PSMD13: variants seen among roughly 807,000 people sequenced by gnomAD.
The protein encoded by PSMD13 is proteasome 26S subunit, non-ATPase 13.
Under a neutral mutation model 57.4 loss-of-function variants are expected in PSMD13, and 8 were observed. That is an observed-to-expected ratio of 0.14 (90% CI 0.08 to 0.25). The LOEUF is 0.25. PSMD13 is among the 10% of genes least tolerant of loss of function. The pLI, the probability that PSMD13 is intolerant of heterozygous loss-of-function variation, is 1.00. For missense variants in PSMD13, 400 were observed against 461.5 expected (o/e 0.87, Z 1.22); for synonymous variants, 193 against 168.2 (o/e 1.15, Z -1.14).
chr11:238,869 ATTTTGGAG>A lies in PSMD13; in HGVS notation c.96-113_96-106del, dbSNP rs774647067. ...AGTTTTGGATTTTGGAGCATTTTGA[ATTTTGGAG>A]TTTTGGAGTTTTGGATTAGAGATAC... On this transcript the variant is annotated intron_variant, in intron 1 of 12. Coordinates refer to ENST00000532097, the MANE Select transcript of PSMD13 (RefSeq NM_002817.4). The A allele has an allele frequency of 7.2e-4, 650 of 906,970 alleles. 2 individuals are homozygous for A. Among genetic ancestry groups the A allele is most frequent in the Non-Finnish European group, 9.2e-4 (507 of 553,532 alleles). The allele number at this position is 906,970 out of a possible 1,614,324, so 56.2% of individuals were successfully genotyped here.
Position 252,057 on chromosome 11 carries a change from G to T in PSMD13, c.1035+121G>T. 1.1e-6 allele frequency: 1 copy of T among 950,530 alleles called. No individual in the cohort carries two copies. 58.9% of individuals were successfully genotyped at this position (950,530 alleles called of 1,614,324 possible). A position where few individuals can be genotyped will look rare whatever the true frequency, so the allele number is the denominator to read the frequency against. On this transcript the variant is annotated intron_variant, in intron 12 of 12. Transcript: ENST00000532097. This position sits in a 1 kb window ranked among gnomAD's most constrained non-coding sequence, Gnocchi z 4.1. Reference sequence around the variant, plus strand: ...ACAGCATTATTAGACAAGAGGTTTTGGAGAAGGAAATACTGCTGTTGGGTT... The same window carrying T: ...ACAGCATTATTAGACAAGAGGTTTTTGAGAAGGAAATACTGCTGTTGGGTT...
In PSMD13 at chr11:250,820, T is replaced by G. The variant is rs372280734; in HGVS notation, c.792T>G (p.Asn264Lys). ...CTTTACAGCCTGATTTAGCAGCTAA[T>G]GAAGCCCAGCTTCTGAGGAAAATTC... ...AWGQQPDLAA[N>K]EAQLLRKIQL... The change falls in exon 10 of 13, where the codon AAT becomes AAG. Residue 264 changes from asparagine (N) to lysine (K), a missense_variant. Asn to Lys is a moderately conservative substitution (Grantham distance 94). Coordinates refer to ENST00000532097, the MANE Select transcript of PSMD13 (RefSeq NM_002817.4). 24 of 1,614,078 alleles carry G rather than the reference T, an allele frequency of 1.5e-5. No homozygotes were observed. The African/African-American group carries it at 3.1e-4, about 21-fold the overall frequency.
In PSMD13 at chr11:250,525, C is replaced by T. The variant is rs1247564673; in HGVS notation, c.775-278C>T. Among the ~76,000 whole-genome samples, 3 of 152,178 alleles carry T rather than the reference C, an allele frequency of 2.0e-5. No individual in the cohort carries two copies. The East Asian group carries it at 5.8e-4, about 29-fold the overall frequency. On this transcript the variant is annotated intron_variant, in intron 9 of 12. Coordinates refer to ENST00000532097, the MANE Select transcript of PSMD13 (RefSeq NM_002817.4). ...GAAATGCCCGTACCCTGTGGCCCTG[C>T]CTAATGGTGTCTGTAGCATTAATAC... is the stretch of plus-strand genomic sequence containing the variant.
intron 6 of PSMD13, among the ~76,000 whole-genome samples, chr11:245,640 A>ATGTG (rs1859622041): frequency 1.2e-5 from 1 of 80,722 alleles, no homozygotes; most frequent in Non-Finnish European, 2.4e-5. Context: ...TTGAACCAGA[A>ATGTG]CGTGTGTGTG....
chr11:239,853 A>G (rs968417910), intron 2 of PSMD13, among the ~76,000 whole-genome samples: 10 of 152,068 alleles, frequency 6.6e-5, no homozygotes, highest in African/African-American at 2.4e-4. Flanking sequence ...GATTCATACC[A>G]GCATTGCAAC....
At chr11:250,993 C>T in intron 10 of PSMD13, 128 bp downstream of exon 10, 1 of 792,956 alleles carries the variant, frequency 1.3e-6, no homozygotes, top group South Asian at 1.5e-5. Context: ...GTGCGCCGCT[C>T]TCTTCACCAC....
chr11:240,101 CTTTTTTTTT>C lies in PSMD13; in HGVS notation c.174+1044_174+1052del, dbSNP rs60869932. 8.6e-3 allele frequency among the ~76,000 whole-genome samples: 442 copies of C among 51,452 alleles called. 6 individuals carry two copies. Among genetic ancestry groups the C allele is most frequent in the African/African-American group, 0.031 (428 of 13,622 alleles). 33.8% of individuals were successfully genotyped at this position (51,452 alleles called of 152,430 possible). Reference sequence around the variant, plus strand: ...GTGGGAAAATGATAAATGAGACCTGCTTTTTTTTTTTTTTTTTTTTTTTTTTTGACGGAG... The same window carrying C: ...GTGGGAAAATGATAAATGAGACCTGCTTTTTTTTTTTTTTTTTTGACGGAG... On this transcript the variant is annotated intron_variant, in intron 2 of 12. Coordinates refer to ENST00000532097, the MANE Select transcript of PSMD13 (RefSeq NM_002817.4).
At position 251,361 on chromosome 11, in the gene PSMD13, CCTT is replaced by C. The variant is rs1243783267; in HGVS notation, c.838-181_838-179del. Reference sequence around the variant, plus strand: ...CTCCTGTAAGGCATTTTGCTGTTATCCTTCTTATCTAAGCATTAAAAGCTTGTT... The same window carrying C: ...CTCCTGTAAGGCATTTTGCTGTTATCCTTATCTAAGCATTAAAAGCTTGTT... On this transcript the variant is annotated intron_variant, in intron 10 of 12. Transcript: ENST00000532097. The surrounding 1 kb of genome is among the most constrained non-coding windows in gnomAD (Gnocchi z 4.6). 7 of 590,454 alleles carry C rather than the reference CCTT, an allele frequency of 1.2e-5. No individual in the cohort carries two copies. The highest frequency in any genetic ancestry group is 4.4e-5 in the South Asian group (2 of 45,156). 36.6% of individuals were successfully genotyped at this position (590,454 alleles called of 1,614,324 possible).
rs575322353 is a variant in PSMD13, at chr11:236,996, C to A, written c.-54C>A. ...TGAGTGAGCATTTCCGGCAGCCATCCCCGCGGTGCTGACATCCCGGTTGTT... is the reference window on the plus strand; with the variant it reads ...TGAGTGAGCATTTCCGGCAGCCATCACCGCGGTGCTGACATCCCGGTTGTT... On this transcript the variant is annotated 5_prime_UTR_variant, in exon 1 of 13. Transcript: ENST00000532097. 2 of 1,463,256 alleles carry A rather than the reference C, an allele frequency of 1.4e-6. No individual in the cohort carries two copies. The highest frequency in any genetic ancestry group is 1.9e-6 in the Non-Finnish European group (2 of 1,048,218). 90.6% of individuals were successfully genotyped at this position (1,463,256 alleles called of 1,614,324 possible). A position where few individuals can be genotyped will look rare whatever the true frequency, so the allele number is the denominator to read the frequency against.
At chr11:244,311 A>G (rs989565451) in intron 4 of PSMD13, 95 bp downstream of exon 4, 46 of 1,581,220 alleles carry the variant, frequency 2.9e-5, no homozygotes, top group Non-Finnish European at 3.3e-5. Flanking sequence ...TGTATCAGAT[A>G]TTATGTTTTT....
intron 2 of PSMD13, chr11:243,602 C>T (rs1251365194): frequency 1.3e-5 from 5 of 383,552 alleles, no homozygotes; most frequent in Non-Finnish European, 2.5e-5. Flanking sequence ...ACAAATAAAC[C>T]TGTCCTGGTA....
In PSMD13 at chr11:247,399, C is replaced by T; in HGVS notation, c.519C>T (p.Tyr173=). 6.3e-7 allele frequency: 1 copy of T among 1,596,696 alleles called. No individual in the cohort carries two copies. The highest frequency in any genetic ancestry group is 8.5e-7 in the Non-Finnish European group (1 of 1,169,966). Reference sequence around the variant, plus strand: ...CAATCGGAAACCACGCGTCCTACTACAAAGATGCTCTGCGGTTTTTGGGCT... The same window carrying T: ...CAATCGGAAACCACGCGTCCTACTATAAAGATGCTCTGCGGTTTTTGGGCT... The part of the protein sequence containing the change: ...YQTIGNHASY[Y]KDALRFLGCV... The change falls in exon 7 of 13, where the codon TAC becomes TAT. Residue 173 remains tyrosine, a synonymous_variant. Coordinates refer to ENST00000532097, the MANE Select transcript of PSMD13 (RefSeq NM_002817.4).
chr11:250,923 G>A, intron 10 of PSMD13, 58 bp downstream of exon 10: 12 of 1,460,448 alleles, frequency 8.2e-6, no homozygotes, highest in Non-Finnish European at 1.1e-5. Flanking sequence ...TCAGGTGGGG[G>A]CGCTGCACTC....
At chr11:246,232 C>T (rs772580567) in intron 6 of PSMD13, among the ~76,000 whole-genome samples, 7 of 152,088 alleles carry the variant, frequency 4.6e-5, no homozygotes, top group Non-Finnish European at 1.0e-4. Flanking sequence ...GGGCCAGGTG[C>T]GATGGTCACA....
In PSMD13 at chr11:245,761, A is replaced by C. The variant is rs187040149; in HGVS notation, c.396+1000A>C. Among the ~76,000 whole-genome samples the C allele has an allele frequency of 7.7e-5, 6 of 78,344 alleles. No individual in the cohort carries two copies. The East Asian group carries it at 2.3e-3, about 30-fold the overall frequency. The allele number at this position is 78,344 out of a possible 152,430, so 51.4% of individuals were successfully genotyped here. A position where few individuals can be genotyped will look rare whatever the true frequency, so the allele number is the denominator to read the frequency against. ...GTGTGTTTGCTAATCACAATGTTAA[A>C]GAAAATATTGGGGGTAAGGGTTAAA... is the stretch of plus-strand genomic sequence containing the variant. On this transcript the variant is annotated intron_variant, in intron 6 of 12. Coordinates refer to ENST00000532097, the MANE Select transcript of PSMD13 (RefSeq NM_002817.4).
chr11:246,243 C>T (rs1859645156), intron 6 of PSMD13, among the ~76,000 whole-genome samples: 1 of 152,146 alleles, frequency 6.6e-6, no homozygotes, highest in Admixed American at 6.5e-5. Context: ...GATGGTCACA[C>T]CTGTAATCCC....
chr11:247,409 C>T lies in PSMD13; in HGVS notation c.529C>T (p.Leu177=). 1.9e-6 allele frequency: 3 copies of T among 1,612,950 alleles called. No individual in the cohort carries two copies. Among genetic ancestry groups the T allele is most frequent in the Non-Finnish European group, 2.5e-6 (3 of 1,179,382 alleles). ...CCACGCGTCCTACTACAAAGATGCT[C>T]TGCGGTTTTTGGGCTGTGTTGACAT... is the stretch of plus-strand genomic sequence containing the variant. The part of the protein sequence containing the change: ...GNHASYYKDA[L]RFLGCVDIKD... Residue 177 remains leucine (L), a synonymous_variant, in exon 7 of 13, where the codon CTG becomes TTG. Coordinates refer to ENST00000532097, the MANE Select transcript of PSMD13 (RefSeq NM_002817.4).
chr11:244,275 T>C (rs1859585180), intron 4 of PSMD13, 59 bp downstream of exon 4: 4 of 1,592,618 alleles, frequency 2.5e-6, no homozygotes, highest in Admixed American at 1.8e-5. Context: ...AATTGAAATA[T>C]AAGTTAACTG....
chr11:248,262 A>G (rs1416217815), intron 7 of PSMD13: 1 of 155,340 alleles, frequency 6.4e-6, no homozygotes, highest in Non-Finnish European at 1.4e-5. Context: ...TTTTCAGCAT[A>G]TTTTAGATGT....
Sources: gnomAD v4.1 joint callset for allele counts (sites outside exome capture counted in the v4.1 genomes callset) on GRCh38, gnomAD v4.1.1 for gene constraint, Gnocchi (gnomAD v3.1) non-coding constraint, MANE v1.5 for transcripts, NCBI Gene and HGNC (gene_info 2026-07-23, HGNC 2026-07-21) for gene names.